GSDME: variants seen among roughly 807,000 people sequenced by gnomAD.
GSDME encodes the protein gasdermin-E.
A neutral mutation model predicts 47.5 loss-of-function variants in GSDME; 44 were observed. That is an observed-to-expected ratio of 0.93 (90% CI 0.73 to 1.19). GSDME has a LOEUF of 1.19. Among genes scored for constraint, GSDME ranks in the 50% most tolerant of loss-of-function variants. GSDME has a pLI of 0.00. For missense variants in GSDME, 663 were observed against 604.2 expected (o/e 1.10, Z -1.02); for synonymous variants, 258 against 252.8 (o/e 1.02, Z -0.20).
chr7:24,746,293 G>A (rs531911779), intron 2 of GSDME, among the ~76,000 whole-genome samples: 9 of 152,280 alleles, frequency 5.9e-5, no homozygotes, highest in African/African-American at 2.2e-4. Context: ...TTGGGAAGAA[G>A]GGCAGAGCAG....
At chr7:24,711,725 G>GGATCCCTTA (rs1373698512) in intron 5 of GSDME, among the ~76,000 whole-genome samples, 12 of 150,968 alleles carry the variant, frequency 7.9e-5, no homozygotes, top group Non-Finnish European at 1.6e-4. Flanking sequence ...TAAGGTAGGA[G>GGATCCCTTA]GATCCCTTAA....
chr7:24,762,211 G>A (rs1791177021), upstream of GSDME, among the ~76,000 whole-genome samples: 1 of 141,082 alleles, frequency 7.1e-6, no homozygotes, highest in Non-Finnish European at 1.5e-5. Context: ...CTGTGATCGT[G>A]CCACTGTACT....
At chr7:24,787,180 T>C in the GSDME span, among the ~76,000 whole-genome samples, 1 of 152,146 alleles carries the variant, frequency 6.6e-6, no homozygotes, top group Admixed American at 6.5e-5. The surrounding 1 kb of genome is among the most constrained non-coding windows in gnomAD (Gnocchi z 5.0). Flanking sequence ...GGCAGCAGCG[T>C]TGTGGCTTAC....
At chr7:24,711,850 C>G (rs1216218249) in intron 5 of GSDME, among the ~76,000 whole-genome samples, 1 of 145,612 alleles carries the variant, frequency 6.9e-6, no homozygotes, top group Admixed American at 6.8e-5. Context: ...GAAATGTTTT[C>G]TCAAACACTT....
At position 24,744,611 on chromosome 7, in the gene GSDME, T is replaced by C; in HGVS notation, c.355A>G (p.Arg119Gly). 4 of 1,614,194 alleles carry C rather than the reference T, an allele frequency of 2.5e-6. No individual in the cohort carries two copies. The highest frequency in any genetic ancestry group is 3.4e-6 in the Non-Finnish European group (4 of 1,180,038). The change falls in exon 3 of 10, where the codon AGG (arginine) becomes GGG (glycine). Residue 119 changes from arginine (R) to glycine (G), a missense_variant. Arg to Gly is a moderately radical substitution (Grantham distance 125). Coordinates refer to ENST00000645220, the MANE Select transcript of GSDME (RefSeq NM_001127453.2). This position sits in a 1 kb window ranked among gnomAD's most constrained non-coding sequence, Gnocchi z 4.5. Reference sequence around the variant, plus strand: ...TGCTGCAAATCCACCTCCTGCTTCCTCAGGGTTCCAAATGAAGACTGGCTC... The same window carrying C: ...TGCTGCAAATCCACCTCCTGCTTCCCCAGGGTTCCAAATGAAGACTGGCTC... Reference protein sequence around the residue: ...VESQSSFGTLRKQEVDLQQLI... With the variant: ...VESQSSFGTLGKQEVDLQQLI...
At chr7:24,789,836 T>A in the GSDME span, among the ~76,000 whole-genome samples, 15 of 152,342 alleles carry the variant, frequency 9.8e-5, no homozygotes, top group South Asian at 1.7e-3. Context: ...TCGATAGTGA[T>A]TCATATAGTA....
At chr7:24,746,008 T>C (rs1414144686) in intron 2 of GSDME, among the ~76,000 whole-genome samples, 1 of 152,088 alleles carries the variant, frequency 6.6e-6, no homozygotes, top group Non-Finnish European at 1.5e-5. Context: ...TCACAGGGGA[T>C]TCAAACCCAC....
In GSDME at chr7:24,698,723, CTTA is replaced by C. The variant is rs1188081740; in HGVS notation, c.*300_*302del. The C allele has an allele frequency of 2.4e-5, 10 of 416,882 alleles. No individual in the cohort carries two copies. The highest frequency in any genetic ancestry group is 1.5e-4 in the East Asian group (3 of 19,480). 25.8% of individuals were successfully genotyped at this position (416,882 alleles called of 1,614,324 possible). ...AAGTGGAATGCAAGTGACAGATGGACTTATTATTGTGCAGAAAAAACGTCTGAA... is the reference window on the plus strand; with the variant it reads ...AAGTGGAATGCAAGTGACAGATGGACTTATTGTGCAGAAAAAACGTCTGAA... On this transcript the variant is annotated 3_prime_UTR_variant, in exon 10 of 10. Coordinates refer to ENST00000645220, the MANE Select transcript of GSDME (RefSeq NM_001127453.2).
chr7:24,787,252 G>A, the GSDME span, among the ~76,000 whole-genome samples: 1 of 152,180 alleles, frequency 6.6e-6, no homozygotes, highest in African/African-American at 2.4e-5. The surrounding 1 kb of genome is among the most constrained non-coding windows in gnomAD (Gnocchi z 5.0). Flanking sequence ...GCATCCAACA[G>A]GCATCACAGG....
At chr7:24,792,049 G>C in the GSDME span, among the ~76,000 whole-genome samples, 1 of 152,204 alleles carries the variant, frequency 6.6e-6, no homozygotes, top group South Asian at 2.1e-4. Flanking sequence ...TGGTCGACTG[G>C]AGGACTACCT....
chr7:24,743,109 T>C (rs879922415), intron 3 of GSDME, among the ~76,000 whole-genome samples: 6 of 152,164 alleles, frequency 3.9e-5, no homozygotes, highest in Admixed American at 1.3e-4. Context: ...CCAGTAAGCA[T>C]GGGCAGTTAC....
chr7:24,777,009 T>C, the GSDME span, among the ~76,000 whole-genome samples: 397 of 152,248 alleles, frequency 2.6e-3, 2 homozygotes, highest in African/African-American at 9.3e-3. Flanking sequence ...ATAAATAATA[T>C]AATTGTTATA....
intron 7 of GSDME, chr7:24,707,268 A>G (rs1562688476): frequency 4.3e-6 from 2 of 467,580 alleles, no homozygotes; most frequent in Non-Finnish European, 8.8e-6. Context: ...CAAAAGAACA[A>G]AAAACAAAAC....
Position 24,717,288 on chromosome 7 carries a change from GAC to G in GSDME, c.661_662del (p.Val221HisfsTer2). 6.2e-7 allele frequency: 1 copy of G among 1,610,472 alleles called. No homozygotes were observed. The highest frequency in any genetic ancestry group is 1.1e-5 in the South Asian group (1 of 90,308). ...IPAATTIAYGVIELYVKLDGQ... is the reference protein window; with the variant it reads ...IPAATTIAYGXIELYVKLDGQ... ...CGTCCAGTTTCACGTATAACTCAAT[GAC>G]ACCGTAGGCAATGGTGGTGGCAGCT... On this transcript the variant is annotated frameshift_variant, in exon 5 of 10. Coordinates refer to ENST00000645220, the MANE Select transcript of GSDME (RefSeq NM_001127453.2). LOFTEE classifies it high-confidence loss of function.
rs1267298711 is a variant in GSDME, at chr7:24,728,418, A to C, written c.405-9200T>G. On this transcript the variant is annotated intron_variant, in intron 3 of 9. Transcript: ENST00000645220. The surrounding 1 kb of genome is among the most constrained non-coding windows in gnomAD (Gnocchi z 7.2). ...AATAACAAATGTTCTTTGCAACCAG[A>C]CACCCTAACTGGTATATGAAGTGAC... Among the ~76,000 whole-genome samples, 1 of 152,178 alleles carries C rather than the reference A, an allele frequency of 6.6e-6. No homozygotes were observed. The highest frequency in any genetic ancestry group is 1.5e-5 in the Non-Finnish European group (1 of 68,034).
rs1790207167 is a variant in GSDME, at chr7:24,733,456, T to C, written c.404+11106A>G. 6.6e-6 allele frequency among the ~76,000 whole-genome samples: 1 copy of C among 151,984 alleles called. No individual in the cohort carries two copies. Among genetic ancestry groups the C allele is most frequent in the Non-Finnish European group, 1.5e-5 (1 of 67,996 alleles). On this transcript the variant is annotated intron_variant, in intron 3 of 9. Coordinates refer to ENST00000645220, the MANE Select transcript of GSDME (RefSeq NM_001127453.2). This position sits in a 1 kb window ranked among gnomAD's most constrained non-coding sequence, Gnocchi z 4.3. ...TGGGTACCAGCTAAGCACAGTGGGG[T>C]AGAGCACCAAGCAAGCCCTTCAAGT...
At position 24,716,730 on chromosome 7, in the gene GSDME, AATG is replaced by A. The variant is rs532906366; in HGVS notation, c.697+521_697+523del. ...TGTGGAGAGGAGGTGGGGTAACAAT[AATG>A]ATGATAATGCTATTAATAGCAAAGG... On this transcript the variant is annotated intron_variant, in intron 5 of 9. Coordinates refer to ENST00000645220, the MANE Select transcript of GSDME (RefSeq NM_001127453.2). The surrounding 1 kb of genome is among the most constrained non-coding windows in gnomAD (Gnocchi z 4.5). The A allele has an allele frequency of 6.4e-4, 112 of 174,356 alleles. 1 individual carries two copies. The highest frequency in any genetic ancestry group is 2.5e-3 in the African/African-American group (107 of 42,508). 10.8% of individuals were successfully genotyped at this position (174,356 alleles called of 1,614,324 possible). A position where few individuals can be genotyped will look rare whatever the true frequency, so the allele number is the denominator to read the frequency against.
At chr7:24,715,659 T>A (rs1562694719) in intron 5 of GSDME, 2 of 314,818 alleles carry the variant, frequency 6.4e-6, no homozygotes, top group Non-Finnish European at 1.3e-5. Context: ...CTCTTCATGA[T>A]GCACTTTTTT....
chr7:24,703,904 C>G (rs1167970670), intron 8 of GSDME: 3 of 152,256 alleles, frequency 2.0e-5, no homozygotes, highest in Non-Finnish European at 4.4e-5. Context: ...AGCTGAGCCT[C>G]TGTCCCCAGC....
Sources: gnomAD v4.1 joint callset for allele counts (sites outside exome capture counted in the v4.1 genomes callset) on GRCh38, gnomAD v4.1.1 for gene constraint, Gnocchi (gnomAD v3.1) non-coding constraint, MANE v1.5 for transcripts, NCBI Gene and HGNC (gene_info 2026-07-23, HGNC 2026-07-21) for gene names.